DIAPH2: variants seen among roughly 807,000 people sequenced by gnomAD.
The protein encoded by DIAPH2 is diaphanous related formin 2, also known as protein diaphanous homolog 2.
In DIAPH2, 35 loss-of-function variants were observed where a neutral mutation model predicts 92.7. That is an observed-to-expected ratio of 0.38 (90% CI 0.29 to 0.50). The LOEUF (loss-of-function observed/expected upper bound fraction) is 0.50. DIAPH2 is among the 20% of genes least tolerant of loss of function. The pLI, the probability that DIAPH2 is intolerant of heterozygous loss-of-function variation, is 0.94. For missense variants in DIAPH2, 701 were observed against 819.5 expected (o/e 0.86, Z 1.77); for synonymous variants, 301 against 280.4 (o/e 1.07, Z -0.73).
intron 24 of DIAPH2, among the ~76,000 whole-genome samples, chrX:97,365,431 G>A (rs1334783998): frequency 9.0e-6 from 1 of 111,143 alleles, no homozygotes; most frequent in African/African-American, 3.3e-5. Flanking sequence ...TTCCATGGGT[G>A]ACAGTAAAGC....
chrX:97,131,022 C>G (rs1047237180), intron 21 of DIAPH2, among the ~76,000 whole-genome samples: 2 of 110,222 alleles, frequency 1.8e-5, no homozygotes, highest in Admixed American at 9.8e-5. Context: ...ACAAGGATTA[C>G]CTGAGCCTGG....
chrX:97,378,522 A>AGAAAG (rs2069523085), intron 24 of DIAPH2, among the ~76,000 whole-genome samples: 1 of 111,933 alleles, frequency 8.9e-6, no homozygotes, highest in African/African-American at 3.2e-5. Flanking sequence ...AAGGAAGGAA[A>AGAAAG]GAAAGGAAAG....
chrX:96,741,372 A>G (rs190059538), intron 3 of DIAPH2, among the ~76,000 whole-genome samples: 2 of 108,543 alleles, frequency 1.8e-5, no homozygotes, highest in East Asian at 2.9e-4. Context: ...ACTCACTCCA[A>G]CCAGGTTTCC....
At chrX:97,300,768 T>G (rs2068689232) in intron 23 of DIAPH2, among the ~76,000 whole-genome samples, 2 of 88,792 alleles carry the variant, frequency 2.3e-5, no homozygotes, top group African/African-American at 4.0e-5. Context: ...CCGTCTCTAC[T>G]AAAAATACAA....
At chrX:96,794,640 A>G (rs911420306) in intron 4 of DIAPH2, among the ~76,000 whole-genome samples, 1 of 111,824 alleles carries the variant, frequency 8.9e-6, no homozygotes, top group East Asian at 2.8e-4. Flanking sequence ...AGATAACTCT[A>G]TCCTGTGATA....
chrX:96,900,162 G>A (rs780206483), intron 5 of DIAPH2, among the ~76,000 whole-genome samples: 10 of 111,827 alleles, frequency 8.9e-5, no homozygotes, highest in Non-Finnish European at 1.9e-4. Context: ...GCAGTGTTTC[G>A]TAGTTTTCCT....
chrX:97,157,850 C>A (rs2067335989), intron 22 of DIAPH2, among the ~76,000 whole-genome samples: 1 of 112,267 alleles, frequency 8.9e-6, no homozygotes, highest in South Asian at 3.7e-4. Context: ...GTCTATATTT[C>A]TGTTCTCAAA....
chrX:97,194,438 A>G (rs369994727), intron 22 of DIAPH2, among the ~76,000 whole-genome samples: 8 of 109,119 alleles, frequency 7.3e-5, no homozygotes, highest in Non-Finnish European at 1.5e-4. Context: ...CCCGCCACCA[A>G]GCCCGGCTAA....
intron 18 of DIAPH2, among the ~76,000 whole-genome samples, chrX:97,074,896 A>C (rs1030364943): frequency 8.9e-6 from 1 of 112,118 alleles, no homozygotes; most frequent in Non-Finnish European, 1.9e-5. Context: ...TAAAAGGCAT[A>C]AGCATGTAGT....
At chrX:97,488,819 A>T (rs1054518610) in intron 26 of DIAPH2, among the ~76,000 whole-genome samples, 1 of 111,633 alleles carries the variant, frequency 9.0e-6, no homozygotes, top group Non-Finnish European at 1.9e-5. Context: ...GTCTGTTTTT[A>T]TGTCAGTCCC....
intron 22 of DIAPH2, among the ~76,000 whole-genome samples, chrX:97,238,251 A>G (rs766812789): frequency 1.7e-3 from 191 of 112,100 alleles, no homozygotes; most frequent in African/African-American, 5.8e-3. Context: ...ATTTTTTCAA[A>G]CATGCAGTCA....
intron 23 of DIAPH2, among the ~76,000 whole-genome samples, chrX:97,299,111 A>T (rs1364463810): frequency 8.9e-6 from 1 of 111,908 alleles, no homozygotes; most frequent in Non-Finnish European, 1.9e-5. Context: ...CATTACTTTT[A>T]AGACAAGCAG....
chrX:96,939,837 G>A (rs2065692424), intron 12 of DIAPH2, among the ~76,000 whole-genome samples: 1 of 84,734 alleles, frequency 1.2e-5, no homozygotes, highest in South Asian at 6.4e-4. Context: ...GCTAATTTTT[G>A]TATTTTTAGT....
intron 17 of DIAPH2, among the ~76,000 whole-genome samples, chrX:97,037,307 A>G (rs1002990811): frequency 1.8e-5 from 2 of 110,855 alleles, no homozygotes; most frequent in South Asian, 3.9e-4. Flanking sequence ...TCAGACATAT[A>G]TGTATATTTA....
chrX:97,545,956 G>T (rs1367466333), intron 26 of DIAPH2, among the ~76,000 whole-genome samples: 5 of 111,010 alleles, frequency 4.5e-5, no homozygotes, highest in African/African-American at 1.6e-4. Flanking sequence ...GAAGGGTATA[G>T]TTCTTTCTCA....
intron 22 of DIAPH2, among the ~76,000 whole-genome samples, chrX:97,145,776 T>A (rs1047706866): frequency 9.0e-6 from 1 of 110,660 alleles, no homozygotes; most frequent in Non-Finnish European, 1.9e-5. Flanking sequence ...AAAAAGATCT[T>A]ACGCACATTC....
chrX:97,245,292 C>T (rs1411651654), intron 22 of DIAPH2, among the ~76,000 whole-genome samples: 4 of 108,962 alleles, frequency 3.7e-5, no homozygotes, highest in South Asian at 4.0e-4. Context: ...ACATAACCAC[C>T]GCACCCAGCT....
intron 26 of DIAPH2, among the ~76,000 whole-genome samples, chrX:97,548,136 G>A (rs2071194437): frequency 8.9e-6 from 1 of 111,905 alleles, no homozygotes; most frequent in South Asian, 3.7e-4. Flanking sequence ...AGAGAAAAGA[G>A]CAGACCTGAG....
intron 26 of DIAPH2, among the ~76,000 whole-genome samples, chrX:97,453,378 C>T (rs1048697052): frequency 4.6e-5 from 5 of 109,480 alleles, no homozygotes; most frequent in Non-Finnish European, 9.5e-5. Context: ...AAAATCAGTA[C>T]AGCTTTTCCC....
Sources: allele counts gnomAD v4.1 joint callset (sites outside exome capture counted in the v4.1 genomes callset), GRCh38; gene constraint gnomAD v4.1.1; transcripts MANE v1.5; gene names NCBI Gene and HGNC (gene_info 2026-07-23, HGNC 2026-07-21).